HECTD4: variants seen among roughly 807,000 people sequenced by gnomAD.
HECTD4 encodes the protein HECT domain E3 ubiquitin protein ligase 4.
Under a neutral mutation model 471.5 loss-of-function variants are expected in HECTD4, and 114 were observed. That is an observed-to-expected ratio of 0.24 (90% CI 0.21 to 0.28). The LOEUF (loss-of-function observed/expected upper bound fraction) is 0.28. Among genes scored for constraint, HECTD4 ranks in the 10% least tolerant of loss-of-function variants. The pLI is 1.00. For synonymous variants in HECTD4, 2,012 were observed against 2,256.0 expected (o/e 0.89, Z 3.07); for missense variants, 3,866 against 5,651.5 (o/e 0.68, Z 10.13).
In HECTD4 at chr12:112,243,761, C is replaced by A; in HGVS notation, c.4650G>T (p.Arg1550Ser). 1 of 1,613,140 alleles carries A rather than the reference C, an allele frequency of 6.2e-7. No individual in the cohort carries two copies. The highest frequency in any genetic ancestry group is 8.5e-7 in the Non-Finnish European group (1 of 1,179,394). The change falls in exon 31 of 76, where the codon AGG (arginine) becomes AGT (serine). Residue 1550 changes from arginine to serine, a missense_variant and splice_region_variant. Arg to Ser is a moderately radical substitution (Grantham distance 110). Transcript: ENST00000682272. This position sits in a 1 kb window ranked among gnomAD's most constrained non-coding sequence, Gnocchi z 6.6. ...EDLEFTRANQ[R>S]RRHVTSHRSS... is the part of the protein sequence containing the mutation. ...TGCGGTGGCTGGTCACGTGGCGACG[C>A]CTACGGGGAACACAGAACAGACTGG...
intron 13 of HECTD4, among the ~76,000 whole-genome samples, chr12:112,268,687 C>T (rs558549787): frequency 6.6e-6 from 1 of 150,790 alleles, no homozygotes; most frequent in Non-Finnish European, 1.5e-5. Context: ...AGCCAGGAGG[C>T]GGAGATTGCG....
At chr12:112,251,191 A>T in intron 23 of HECTD4, 57 bp from the exon 24 acceptor site, 3 of 1,548,494 alleles carry the variant, frequency 1.9e-6, no homozygotes, top group Non-Finnish European at 2.6e-6. Context: ...AGAGGCTGCT[A>T]CCTGTGCTGC....
chr12:112,245,116 A>T (rs1290604380), intron 29 of HECTD4, among the ~76,000 whole-genome samples: 1 of 151,864 alleles, frequency 6.6e-6, no homozygotes, highest in African/African-American at 2.4e-5. Context: ...AATCCTCCCA[A>T]CTCAGCCTCC....
chr12:112,256,543 T>A (rs775160938), intron 20 of HECTD4, 25 bp from the exon 21 acceptor site: 2 of 1,473,202 alleles, frequency 1.4e-6, no homozygotes, highest in Non-Finnish European at 1.8e-6. Flanking sequence ...AGAAAGTGAT[T>A]TAGCTTAGCA....
At chr12:112,364,437 G>A (rs921587535) in intron 1 of HECTD4, among the ~76,000 whole-genome samples, 9 of 150,726 alleles carry the variant, frequency 6.0e-5, no homozygotes, top group African/African-American at 2.2e-4. Flanking sequence ...ATAAATAAAA[G>A]GCAAAATGTA....
chr12:112,189,550 C>CAAAAAAAAAAAAAAAAAA (rs57209316), intron 60 of HECTD4, among the ~76,000 whole-genome samples: 1 of 30,464 alleles, frequency 3.3e-5, no homozygotes, highest in African/African-American at 1.1e-4. Flanking sequence ...GACTCCGTCT[C>CAAAAAAAAAAAAAAAAAA]AAAAAAAAAA....
rs776041555 is a variant in HECTD4, at chr12:112,193,167, C to T, written c.8980G>A (p.Glu2994Lys). 8 of 1,613,932 alleles carry T rather than the reference C, an allele frequency of 5.0e-6. No homozygotes were observed. The highest frequency in any genetic ancestry group is 2.2e-5 in the East Asian group (1 of 44,880). Residue 2994 changes from glutamate to lysine, a missense_variant, in exon 58 of 76, where the codon GAA becomes AAA. Glu to Lys is a moderately conservative substitution (Grantham distance 56). Coordinates refer to ENST00000682272, the MANE Select transcript of HECTD4 (RefSeq NM_001388303.1). This position sits in a 1 kb window ranked among gnomAD's most constrained non-coding sequence, Gnocchi z 5.2. The part of the protein sequence containing the change: ...LQTAPEQFPS[E>K]EFPISESKVN... ...TTGGATTCGGAAATTGGGAACTCTT[C>T]GGAGGGGAACTGCTCTGGTGCTGTC...
At position 112,244,002 on chromosome 12, in the gene HECTD4, TTTACAAGCTAGAA is replaced by T. The variant is rs753245474; in HGVS notation, c.4514-6_4520del. The T allele has an allele frequency of 1.8e-4, 289 of 1,613,360 alleles. No homozygotes were observed. The highest frequency in any genetic ancestry group is 2.3e-4 in the Non-Finnish European group (267 of 1,179,776). On this transcript the variant is annotated splice_acceptor_variant and splice_polypyrimidine_tract_variant and coding_sequence_variant and intron_variant, in exon 30 of 76. Coordinates refer to ENST00000682272, the MANE Select transcript of HECTD4 (RefSeq NM_001388303.1). LOFTEE classifies it high-confidence loss of function. ...ATATCACTTTTGTTTCAGAAGCTGA[TTTACAAGCTAGAA>T]AAAAAAGGAATAAAAAGGCTGACAT...
chr12:112,216,419 T>C, intron 47 of HECTD4, 48 bp from the exon 48 acceptor site: 1 of 1,301,192 alleles, frequency 7.7e-7, no homozygotes, highest in East Asian at 2.5e-5. Flanking sequence ...AAGATAAGCC[T>C]CACTGGCCAA....
intron 1 of HECTD4, among the ~76,000 whole-genome samples, chr12:112,339,092 T>C (rs1032338889): frequency 6.6e-6 from 1 of 152,110 alleles, no homozygotes; most frequent in Admixed American, 6.5e-5. Flanking sequence ...TAATTCCCTA[T>C]AGAAATTCTT....
chr12:112,341,555 CTAAT>C (rs2036054853), intron 1 of HECTD4, among the ~76,000 whole-genome samples: 1 of 152,148 alleles, frequency 6.6e-6, no homozygotes, highest in Admixed American at 6.6e-5. Flanking sequence ...CTGTGCCTGA[CTAAT>C]TAAAACTCCC....
intron 1 of HECTD4, among the ~76,000 whole-genome samples, chr12:112,375,751 T>C (rs2036763939): frequency 6.6e-6 from 1 of 152,146 alleles, no homozygotes; most frequent in Non-Finnish European, 1.5e-5. Context: ...TTCTCTTAAA[T>C]GTATATTTAT....
intron 7 of HECTD4, among the ~76,000 whole-genome samples, chr12:112,284,594 A>G (rs912142242): frequency 1.3e-5 from 2 of 152,218 alleles, no homozygotes; most frequent in Non-Finnish European, 2.9e-5. Flanking sequence ...GATTTGTTAC[A>G]GAGTCCAAAA....
intron 7 of HECTD4, among the ~76,000 whole-genome samples, chr12:112,299,334 T>C (rs538896137): frequency 4.6e-5 from 7 of 152,124 alleles, no homozygotes; most frequent in Non-Finnish European, 8.8e-5. Flanking sequence ...TTAGACTGAG[T>C]TCAGATGTGG....
chr12:112,211,523 T>C (rs1014144627), intron 49 of HECTD4, among the ~76,000 whole-genome samples: 1 of 148,118 alleles, frequency 6.8e-6, no homozygotes, highest in Non-Finnish European at 1.5e-5. Flanking sequence ...AGAGATGTCC[T>C]GAAGGGGGAA....
At chr12:112,171,321 T>TCACAGGCAA in intron 67 of HECTD4, 58 bp from the exon 68 acceptor site, 2 of 1,552,490 alleles carry the variant, frequency 1.3e-6, no homozygotes, top group Non-Finnish European at 1.7e-6. Context: ...GATGCCTGAC[T>TCACAGGCAA]CACAGGCAAC....
intron 25 of HECTD4, 32 bp downstream of exon 25, chr12:112,250,112 T>G (rs2033848033): frequency 6.6e-7 from 1 of 1,517,316 alleles, no homozygotes; most frequent in Middle Eastern, 1.7e-4. Flanking sequence ...TTTTTCCCAT[T>G]GGGAAAAGTA....
intron 7 of HECTD4, among the ~76,000 whole-genome samples, chr12:112,300,060 A>G (rs2035130660): frequency 6.6e-6 from 1 of 152,208 alleles, no homozygotes; most frequent in Non-Finnish European, 1.5e-5. Context: ...TCACGCCTAC[A>G]AGTCCAGCAC....
In HECTD4 at chr12:112,166,819, TC is replaced by T. The variant is rs1264383561; in HGVS notation, c.12534+497del. 1.3e-5 allele frequency: 2 copies of T among 152,824 alleles called. No homozygotes were observed. The highest frequency in any genetic ancestry group is 3.9e-4 in the East Asian group (2 of 5,180). 9.5% of individuals were successfully genotyped at this position (152,824 alleles called of 1,614,324 possible). Reference sequence around the variant, plus strand: ...GTGAACGGAAGGACTGTGGACTCCATCTCCCTCCAGGGGGGCACTGGGCAAC... The same window carrying T: ...GTGAACGGAAGGACTGTGGACTCCATTCCCTCCAGGGGGGCACTGGGCAAC... On this transcript the variant is annotated intron_variant, in intron 72 of 75. Coordinates refer to ENST00000682272, the MANE Select transcript of HECTD4 (RefSeq NM_001388303.1). The surrounding 1 kb of genome is among the most constrained non-coding windows in gnomAD (Gnocchi z 4.6).
Sources: gnomAD v4.1 joint callset for allele counts (sites outside exome capture counted in the v4.1 genomes callset) on GRCh38, gnomAD v4.1.1 for gene constraint, Gnocchi (gnomAD v3.1) non-coding constraint, MANE v1.5 for transcripts, NCBI Gene and HGNC (gene_info 2026-07-23, HGNC 2026-07-21) for gene names.